The following TOX variants were observed in gnomAD, a reference collection of about 807,000 sequenced individuals.
The protein encoded by TOX is thymocyte selection associated high mobility group box.
Under a neutral mutation model 53.7 loss-of-function variants are expected in TOX, and 11 were observed. The observed-to-expected ratio is 0.20, with a 90% CI of 0.13 to 0.34. The LOEUF (loss-of-function observed/expected upper bound fraction) is 0.34. Among genes scored for constraint, TOX ranks in the 10% least tolerant of loss-of-function variants. The probability of loss-of-function intolerance (pLI) is 1.00; values close to 1 mark genes in which losing one functional copy is unlikely to be tolerated. For synonymous variants in TOX, 225 were observed against 245.3 expected (o/e 0.92, Z 0.77); for missense variants, 570 against 664.6 (o/e 0.86, Z 1.56).
chr8:59,108,409 G>A (rs990142535), intron 1 of TOX, among the ~76,000 whole-genome samples: 9 of 152,100 alleles, frequency 5.9e-5, no homozygotes, highest in Admixed American at 2.0e-4. Flanking sequence ...TATGACAACC[G>A]TAGAGACTAC....
intron 5 of TOX, among the ~76,000 whole-genome samples, chr8:58,827,119 C>G (rs1169303282): frequency 6.6e-6 from 1 of 151,926 alleles, no homozygotes; most frequent in Non-Finnish European, 1.5e-5. Flanking sequence ...AACAGTAAAA[C>G]TTTACACTTT....
intron 4 of TOX, among the ~76,000 whole-genome samples, chr8:58,843,548 C>A: frequency 6.6e-6 from 1 of 152,104 alleles, no homozygotes. Flanking sequence ...GCATAAAGGA[C>A]TAGTGAATAT....
chr8:59,029,403 T>C (rs1368339447), intron 1 of TOX, among the ~76,000 whole-genome samples: 2 of 152,160 alleles, frequency 1.3e-5, no homozygotes, highest in Non-Finnish European at 2.9e-5. Context: ...GACCCTTAAG[T>C]AACCCAATCA....
chr8:59,055,257 G>T (rs567070445), intron 1 of TOX, among the ~76,000 whole-genome samples: 1 of 152,254 alleles, frequency 6.6e-6, no homozygotes, highest in South Asian at 2.1e-4. Context: ...TAAAGCAATA[G>T]GAACCCTACC....
intron 3 of TOX, among the ~76,000 whole-genome samples, chr8:58,888,250 TAA>T (rs1398552659): frequency 6.6e-6 from 1 of 152,098 alleles, no homozygotes; most frequent in Non-Finnish European, 1.5e-5. Flanking sequence ...CCTATTTTTT[TAA>T]AGTCTCCAAC....
chr8:58,966,873 CT>C (rs550882424), intron 1 of TOX, among the ~76,000 whole-genome samples: 50,313 of 123,584 alleles, frequency 0.41, 10,435 homozygotes, highest in South Asian at 0.51. Context: ...TCAAGTTATT[CT>C]TTTTTTTTTT....
intron 1 of TOX, among the ~76,000 whole-genome samples, chr8:59,010,050 T>G (rs763650088): frequency 6.6e-6 from 1 of 152,194 alleles, no homozygotes; most frequent in Non-Finnish European, 1.5e-5. Context: ...TCTATCAAAA[T>G]TATCACTCTT....
At chr8:59,054,993 G>A (rs111332934) in intron 1 of TOX, among the ~76,000 whole-genome samples, 2 of 143,466 alleles carry the variant, frequency 1.4e-5, no homozygotes, top group African/African-American at 5.3e-5. Flanking sequence ...AGGGAGGGAG[G>A]GAAAGGAAAA....
At chr8:59,106,280 T>G (rs1166982772) in intron 1 of TOX, among the ~76,000 whole-genome samples, 1 of 151,416 alleles carries the variant, frequency 6.6e-6, no homozygotes, top group Non-Finnish European at 1.5e-5. Flanking sequence ...TGGCTTACAT[T>G]TTTTCTTTCT....
At chr8:58,904,434 C>T (rs200553260) in intron 3 of TOX, among the ~76,000 whole-genome samples, 1 of 151,996 alleles carries the variant, frequency 6.6e-6, no homozygotes, top group Non-Finnish European at 1.5e-5. Flanking sequence ...GGTGCTTTCA[C>T]ATTTATTATT....
intron 1 of TOX, among the ~76,000 whole-genome samples, chr8:58,987,210 T>G (rs958202916): frequency 3.3e-5 from 5 of 152,174 alleles, no homozygotes; most frequent in African/African-American, 1.2e-4. Flanking sequence ...GTGTTCCAGA[T>G]GCATTTGAAG....
At chr8:59,111,968 ATAT>A (rs1321545186) in intron 1 of TOX, among the ~76,000 whole-genome samples, 8 of 152,220 alleles carry the variant, frequency 5.3e-5, no homozygotes, top group Non-Finnish European at 1.2e-4. Context: ...ATGACCTTTG[ATAT>A]TATAAATATA....
At chr8:58,884,713 G>A (rs921330815) in intron 3 of TOX, among the ~76,000 whole-genome samples, 3 of 152,066 alleles carry the variant, frequency 2.0e-5, no homozygotes, top group Admixed American at 6.6e-5. Context: ...AATTACTACT[G>A]TCCTTATAAA....
intron 1 of TOX, among the ~76,000 whole-genome samples, chr8:59,093,545 G>A (rs911327007): frequency 6.6e-6 from 1 of 152,174 alleles, no homozygotes; most frequent in Non-Finnish European, 1.5e-5. Context: ...CTTAAGCCTG[G>A]TAAAATAATT....
At chr8:59,069,544 C>G (rs889423632) in intron 1 of TOX, among the ~76,000 whole-genome samples, 1 of 152,224 alleles carries the variant, frequency 6.6e-6, no homozygotes, top group South Asian at 2.1e-4. Context: ...TATTTGGGAT[C>G]GATCACCCTA....
intron 3 of TOX, among the ~76,000 whole-genome samples, chr8:58,913,928 G>A (rs1267122366): frequency 1.3e-5 from 2 of 152,206 alleles, no homozygotes; most frequent in Non-Finnish European, 1.5e-5. Context: ...ATCATGTCCT[G>A]GTTATTGGAG....
chr8:58,900,386 C>T (rs572120899), intron 3 of TOX, among the ~76,000 whole-genome samples: 48 of 152,038 alleles, frequency 3.2e-4, no homozygotes, highest in Non-Finnish European at 5.0e-4. Context: ...AAGGTAAAAA[C>T]ATACATATGA....
chr8:58,839,211 A>G (rs1810601814), intron 4 of TOX, among the ~76,000 whole-genome samples: 2 of 152,202 alleles, frequency 1.3e-5, no homozygotes, highest in Admixed American at 1.3e-4. Flanking sequence ...TACGATTTGC[A>G]CTATTCTATA....
Position 59,118,879 on chromosome 8 carries a change from C to G in TOX, c.102+7G>C. ...GAACACGGTGGAAACAAAAGCAGAG[C>G]GTTCACCTTGTTGCAATAGTAGGGG... On this transcript the variant is annotated splice_region_variant and intron_variant, in intron 1 of 8. Coordinates refer to ENST00000361421, the MANE Select transcript of TOX (RefSeq NM_014729.3). The surrounding 1 kb of genome is among the most constrained non-coding windows in gnomAD (Gnocchi z 4.1). 2 of 1,576,998 alleles carry G rather than the reference C, an allele frequency of 1.3e-6. No individual in the cohort carries two copies. The highest frequency in any genetic ancestry group is 5.0e-5 in the East Asian group (2 of 40,364).
Sources: gnomAD v4.1 joint callset for allele counts (sites outside exome capture counted in the v4.1 genomes callset) on GRCh38, gnomAD v4.1.1 for gene constraint, Gnocchi (gnomAD v3.1) non-coding constraint, MANE v1.5 for transcripts, NCBI Gene and HGNC (gene_info 2026-07-23, HGNC 2026-07-21) for gene names.